Variants in CHSY3 observed in about 807,000 individuals in gnomAD.
CHSY3 encodes N-acetylgalactosaminyl-proteoglycan 3-beta-glucuronosyltransferase 3.
In CHSY3, 35 loss-of-function variants were observed where a neutral mutation model predicts 67.2. The observed-to-expected ratio is 0.52, with a 90% CI of 0.40 to 0.69. The LOEUF is 0.69. Ranked by LOEUF, CHSY3 falls within the 30% of genes least tolerant of loss-of-function variation. CHSY3 has a pLI of 0.00. For synonymous variants in CHSY3, 474 were observed against 434.7 expected (o/e 1.09, Z -1.12); for missense variants, 1,069 against 1,138.5 (o/e 0.94, Z 0.88).
chr5:130,031,577 C>G (rs1764704676), intron 2 of CHSY3, among the ~76,000 whole-genome samples: 2 of 152,086 alleles, frequency 1.3e-5, no homozygotes, highest in Admixed American at 1.3e-4. Context: ...TAATCAAGAT[C>G]CCAGTGAATT....
At chr5:129,910,782 A>G (rs1161156060) in intron 2 of CHSY3, among the ~76,000 whole-genome samples, 2 of 152,010 alleles carry the variant, frequency 1.3e-5, no homozygotes, top group Non-Finnish European at 2.9e-5. Context: ...GATACTGTTC[A>G]TATTATATAG....
At chr5:129,998,137 G>T (rs1489181364) in intron 2 of CHSY3, among the ~76,000 whole-genome samples, 2 of 152,154 alleles carry the variant, frequency 1.3e-5, no homozygotes, top group Non-Finnish European at 2.9e-5. Flanking sequence ...CAGTGTAAAA[G>T]CATTCCTATT....
intron 2 of CHSY3, among the ~76,000 whole-genome samples, chr5:129,951,483 A>G (rs1762021063): frequency 6.6e-6 from 1 of 152,270 alleles, no homozygotes; most frequent in African/African-American, 2.4e-5. Flanking sequence ...GAAATTAAAT[A>G]TGAGTTAAAT....
rs571868817 is a variant in CHSY3, at chr5:130,106,999, C to T, written c.1087-77230C>T. ...AATGAATGACATTTAATTAACAATT[C>T]TCATTTTGTCACTGTAAGTCTCTAT... On this transcript the variant is annotated intron_variant, in intron 2 of 2. Transcript: ENST00000305031. Among the ~76,000 whole-genome samples, 66 of 151,502 alleles carry T rather than the reference C, an allele frequency of 4.4e-4. 1 individual carries two copies. The Middle Eastern group carries it at 0.01, about 24-fold the overall frequency.
rs79101168 is a variant in CHSY3, at chr5:130,165,293, C to T, written c.1087-18936C>T. On this transcript the variant is annotated intron_variant, in intron 2 of 2. Coordinates refer to ENST00000305031, the MANE Select transcript of CHSY3 (RefSeq NM_175856.5). ...GCCCAGAAGATATGAAGAAGAGAAGCAAGATTCAAGAGATCGGTAAAATAG... is the reference window on the plus strand; with the variant it reads ...GCCCAGAAGATATGAAGAAGAGAAGTAAGATTCAAGAGATCGGTAAAATAG... Among the ~76,000 whole-genome samples, 261 of 152,068 alleles carry T rather than the reference C, an allele frequency of 1.7e-3. 3 individuals carry two copies. In the East Asian group the frequency reaches 0.034, roughly 20 times the overall value.
At chr5:130,144,388 G>GT (rs1282265672) in intron 2 of CHSY3, among the ~76,000 whole-genome samples, 2 of 150,240 alleles carry the variant, frequency 1.3e-5, no homozygotes, top group Non-Finnish European at 3.0e-5. Flanking sequence ...ACACTGTCAA[G>GT]TAAAAAAAAA....
intron 2 of CHSY3, among the ~76,000 whole-genome samples, chr5:129,970,398 T>TTAGATAGA (rs59639782): frequency 6.6e-4 from 96 of 145,740 alleles, no homozygotes; most frequent in Non-Finnish European, 8.8e-4. Context: ...GAGGAACAGA[T>TTAGATAGA]TAGATAGATA....
chr5:129,912,781 A>C (rs1170291900), intron 2 of CHSY3, among the ~76,000 whole-genome samples: 1 of 152,160 alleles, frequency 6.6e-6, no homozygotes, highest in Non-Finnish European at 1.5e-5. Flanking sequence ...GTTGAGGGTG[A>C]GCCTTATACA....
intron 2 of CHSY3, among the ~76,000 whole-genome samples, chr5:130,012,647 G>C (rs1764100609): frequency 6.6e-6 from 1 of 152,108 alleles, no homozygotes; most frequent in Non-Finnish European, 1.5e-5. Flanking sequence ...GAACTCATTT[G>C]CTATCATGAG....
intron 2 of CHSY3, among the ~76,000 whole-genome samples, chr5:129,985,126 G>C (rs1763148318): frequency 1.3e-5 from 2 of 152,100 alleles, no homozygotes; most frequent in Non-Finnish European, 2.9e-5. Flanking sequence ...TATTTCCTAA[G>C]TTTTCTTCTA....
chr5:130,053,188 G>C (rs1217642514), intron 2 of CHSY3, among the ~76,000 whole-genome samples: 1 of 152,088 alleles, frequency 6.6e-6, no homozygotes, highest in African/African-American at 2.4e-5. Flanking sequence ...TATAGAGTTA[G>C]TCTCCTGAAG....
At chr5:130,009,135 G>GA in intron 2 of CHSY3, among the ~76,000 whole-genome samples, 1 of 152,214 alleles carries the variant, frequency 6.6e-6, no homozygotes, top group African/African-American at 2.4e-5. Context: ...TCGTATACAA[G>GA]ATGACCATCC....
At chr5:129,990,754 C>G (rs896868048) in intron 2 of CHSY3, among the ~76,000 whole-genome samples, 3 of 152,034 alleles carry the variant, frequency 2.0e-5, no homozygotes, top group African/African-American at 7.2e-5. Flanking sequence ...TTGTTGAATA[C>G]CTTCCCTAGG....
At chr5:130,141,123 C>T in intron 2 of CHSY3, 1 of 337,178 alleles carries the variant, frequency 3.0e-6, no homozygotes, top group South Asian at 2.9e-5. Flanking sequence ...CCTGATGAGG[C>T]TGTTGTTTAT....
intron 2 of CHSY3, among the ~76,000 whole-genome samples, chr5:130,178,495 G>A (rs1211073995): frequency 2.0e-5 from 3 of 151,538 alleles, no homozygotes; most frequent in African/African-American, 2.4e-5. Flanking sequence ...CTCGTGATCC[G>A]CCCGTCTCGG....
intron 2 of CHSY3, among the ~76,000 whole-genome samples, chr5:129,926,579 C>T (rs183348034): frequency 6.6e-6 from 1 of 151,960 alleles, no homozygotes; most frequent in African/African-American, 2.4e-5. Context: ...CTGCATTTCT[C>T]ATATTTGACC....
At chr5:129,921,300 AG>A (rs1405618334) in intron 2 of CHSY3, among the ~76,000 whole-genome samples, 4 of 152,160 alleles carry the variant, frequency 2.6e-5, no homozygotes, top group Non-Finnish European at 4.4e-5. Flanking sequence ...TGATACCTTG[AG>A]CACAAGCACT....
At chr5:129,981,115 G>A (rs755442851) in intron 2 of CHSY3, among the ~76,000 whole-genome samples, 20 of 151,592 alleles carry the variant, frequency 1.3e-4, no homozygotes, top group Non-Finnish European at 2.5e-4. Context: ...CAGCTACTCT[G>A]GAGGCTGAGG....
At chr5:130,052,525 AT>A (rs550498959) in intron 2 of CHSY3, among the ~76,000 whole-genome samples, 13 of 151,846 alleles carry the variant, frequency 8.6e-5, no homozygotes, top group Admixed American at 3.3e-4. Flanking sequence ...ATCAATAACA[AT>A]TTTTTTTTAT....
Sources: gnomAD v4.1 joint callset for allele counts (sites outside exome capture counted in the v4.1 genomes callset) on GRCh38, gnomAD v4.1.1 for gene constraint, MANE v1.5 for transcripts, NCBI Gene and HGNC (gene_info 2026-07-23, HGNC 2026-07-21) for gene names.